Variants in RAF1 observed in about 807,000 individuals in gnomAD.
RAF1 encodes Raf-1 proto-oncogene, serine/threonine kinase.
RAF1 carries 27 observed loss-of-function variants against 81.1 expected under a neutral mutation model. The observed-to-expected ratio is 0.33, with a 90% CI of 0.25 to 0.46. The LOEUF (loss-of-function observed/expected upper bound fraction) is 0.46. Ranked by LOEUF, RAF1 falls within the 20% of genes least tolerant of loss-of-function variation. The probability of loss-of-function intolerance (pLI) is 1.00; values close to 1 mark genes in which losing one functional copy is unlikely to be tolerated. For missense variants in RAF1, 598 were observed against 826.0 expected (o/e 0.72, Z 3.38); for synonymous variants, 298 against 294.0 (o/e 1.01, Z -0.14).
At chr3:12,645,786 G>C (rs1289744563) in intron 1 of RAF1, among the ~76,000 whole-genome samples, 1 of 152,048 alleles carries the variant, frequency 6.6e-6, no homozygotes, top group Admixed American at 6.6e-5. Context: ...TGTTGCCCAG[G>C]CTAGTCTCGA....
At chr3:12,640,931 C>CACATATTAT in intron 1 of RAF1, among the ~76,000 whole-genome samples, 1 of 152,016 alleles carries the variant, frequency 6.6e-6, no homozygotes, top group Non-Finnish European at 1.5e-5. Flanking sequence ...TATTGTGGTA[C>CACATATTAT]TATTCACAAT....
At chr3:12,654,445 T>C (rs544957208) in intron 1 of RAF1, among the ~76,000 whole-genome samples, 1 of 151,604 alleles carries the variant, frequency 6.6e-6, no homozygotes, top group African/African-American at 2.4e-5. Context: ...CTACAAAAAA[T>C]ACAAAAATTA....
At chr3:12,585,637 T>A in intron 15 of RAF1, 44 bp downstream of exon 14, 2 of 1,508,022 alleles carry the variant, frequency 1.3e-6, no homozygotes. Flanking sequence ...AGGCATTCCT[T>A]TTGCCCTATA....
chr3:12,613,986 C>T lies in RAF1; in HGVS notation c.208-1924G>A, dbSNP rs149776332. Reference sequence around the variant, plus strand: ...TGGGAGAAGGAAAAGATTCTCCAAACGAAAAAAGTTCCTTTGGAGTTTGTG... The same window carrying T: ...TGGGAGAAGGAAAAGATTCTCCAAATGAAAAAAGTTCCTTTGGAGTTTGTG... On this transcript the variant is annotated intron_variant, in intron 2 of 17. Transcript: ENST00000442415. Among the ~76,000 whole-genome samples the T allele has an allele frequency of 3.2e-3, 489 of 152,150 alleles. 3 individuals carry two copies. Among genetic ancestry groups the T allele is most frequent in the African/African-American group, 0.011 (454 of 41,532 alleles).
At chr3:12,638,659 T>C (rs1217469461) in intron 1 of RAF1, among the ~76,000 whole-genome samples, 1 of 152,190 alleles carries the variant, frequency 6.6e-6, no homozygotes, top group Admixed American at 6.5e-5. Flanking sequence ...CGGTAAATAT[T>C]TTCTACCTAC....
chr3:12,649,549 T>C (rs2060456489), intron 1 of RAF1, among the ~76,000 whole-genome samples: 1 of 151,662 alleles, frequency 6.6e-6, no homozygotes. Flanking sequence ...CAGTGAGCTA[T>C]GATCGTGCCA....
chr3:12,643,744 A>T (rs9875104), intron 1 of RAF1, among the ~76,000 whole-genome samples: 57,076 of 151,694 alleles, frequency 0.38, 11,359 homozygotes, highest in African/African-American at 0.49. Context: ...CTCAAAAAAA[A>T]AAAAATAAAA....
chr3:12,632,324 C>CAA (rs34396520), intron 1 of RAF1, among the ~76,000 whole-genome samples: 48,053 of 123,038 alleles, frequency 0.39, 10,190 homozygotes, highest in East Asian at 0.87. Context: ...AACTCCGTCT[C>CAA]AAAAAAAAAA....
At chr3:12,632,959 A>G (rs1330945614) in intron 1 of RAF1, among the ~76,000 whole-genome samples, 4 of 152,238 alleles carry the variant, frequency 2.6e-5, no homozygotes, top group Non-Finnish European at 4.4e-5. Context: ...TGCAAACTAC[A>G]CTTACTGAAT....
Position 12,655,005 on chromosome 3 carries a change from C to CCCT in RAF1, c.-27+8807_-27+8808insAGG, listed in dbSNP as rs1553624741. Among the ~76,000 whole-genome samples the CCCT allele has an allele frequency of 4.7e-5, 7 of 147,668 alleles. No homozygotes were observed. In the East Asian group the frequency reaches 1.3e-3, roughly 28 times the overall value. On this transcript the variant is annotated intron_variant, in intron 1 of 17. Transcript: ENST00000442415. ...AACCTGGTAAACATAGTGAGACCCC[C>CCCT]CCCCCGCCATCTCTAAAATAGTAAA...
chr3:12,600,919 T>C (rs908743287), intron 8 of RAF1, among the ~76,000 whole-genome samples: 5 of 152,212 alleles, frequency 3.3e-5, no homozygotes, highest in African/African-American at 7.2e-5. Context: ...AAGAAAGCAA[T>C]GTACACAACA....
At chr3:12,609,960 G>C (rs5746199) in intron 3 of RAF1, among the ~76,000 whole-genome samples, 2,242 of 152,268 alleles carry the variant, frequency 0.015, 31 homozygotes, top group Admixed American at 0.044. Flanking sequence ...TAGATAAATA[G>C]AAAGGAACCA....
intron 1 of RAF1, among the ~76,000 whole-genome samples, chr3:12,652,197 C>T (rs898849483): frequency 2.1e-4 from 32 of 150,548 alleles, no homozygotes; most frequent in African/African-American, 7.3e-4. Flanking sequence ...ACCTGGGAGA[C>T]AGAGCAAGAC....
Position 12,593,087 on chromosome 3 carries a change from C to A in RAF1, c.1169-1295G>T, listed in dbSNP as rs188747635. On this transcript the variant is annotated intron_variant, in intron 11 of 17. Coordinates refer to ENST00000442415, the MANE Select transcript of RAF1 (RefSeq NM_001354689.3). The stretch of plus-strand genomic sequence containing the variant: ...TCTGGAGCCTCTCTGTTGGAGCCTT[C>A]CTCCTTCCTTTTTTTTTTTTTGAGA... Among the ~76,000 whole-genome samples the A allele has an allele frequency of 2.3e-5, 3 of 131,604 alleles. No homozygotes were observed. The East Asian group carries it at 6.0e-4, about 26-fold the overall frequency. The allele number at this position is 131,604 out of a possible 152,430, so 86.3% of individuals were successfully genotyped here. A position where few individuals can be genotyped will look rare whatever the true frequency, so the allele number is the denominator to read the frequency against.
intron 14 of RAF1, 113 bp from the exon 14 acceptor site, chr3:12,585,912 T>G: frequency 1.2e-6 from 1 of 805,366 alleles, no homozygotes; most frequent in Non-Finnish European, 2.2e-6. Flanking sequence ...TGTCACAGCC[T>G]CTCTGCACTG....
intron 1 of RAF1, among the ~76,000 whole-genome samples, chr3:12,641,700 C>A (rs1297930270): frequency 2.0e-5 from 3 of 151,978 alleles, no homozygotes; most frequent in African/African-American, 7.2e-5. Context: ...CCATGTTGCA[C>A]AAGTTGGTCT....
chr3:12,631,811 C>G (rs2059870584), intron 1 of RAF1, among the ~76,000 whole-genome samples: 1 of 152,120 alleles, frequency 6.6e-6, no homozygotes, highest in Non-Finnish European at 1.5e-5. Flanking sequence ...GGATGGGGAT[C>G]CTTCTAATTC....
At chr3:12,635,867 G>A (rs2060011522) in intron 1 of RAF1, among the ~76,000 whole-genome samples, 1 of 151,632 alleles carries the variant, frequency 6.6e-6, no homozygotes. Flanking sequence ...CAGCTACTCA[G>A]GAGGCTGAGG....
intron 1 of RAF1, among the ~76,000 whole-genome samples, chr3:12,654,862 T>C (rs937797365): frequency 6.6e-6 from 1 of 150,964 alleles, no homozygotes; most frequent in African/African-American, 2.4e-5. Context: ...GGTTTGCCCA[T>C]TACATCTAAG....
Sources: gnomAD v4.1 joint callset for allele counts (sites outside exome capture counted in the v4.1 genomes callset) on GRCh38, gnomAD v4.1.1 for gene constraint, MANE v1.5 for transcripts, NCBI Gene and HGNC (gene_info 2026-07-23, HGNC 2026-07-21) for gene names.